Variants in SLC24A2 observed in about 807,000 individuals in gnomAD.
SLC24A2 encodes solute carrier family 24 member 2.
SLC24A2 carries 36 observed loss-of-function variants against 62.0 expected under a neutral mutation model. The ratio of observed to expected loss-of-function variants is 0.58; its 90% CI spans 0.44 to 0.77. The LOEUF (loss-of-function observed/expected upper bound fraction) is 0.77, where lower values mean the gene tolerates loss of function less well. Ranked by LOEUF, SLC24A2 falls within the 30% of genes least tolerant of loss-of-function variation. SLC24A2 has a pLI of 0.00. For synonymous variants in SLC24A2, 358 were observed against 294.0 expected (o/e 1.22, Z -2.23); for missense variants, 846 against 817.9 (o/e 1.03, Z -0.42).
rs974389009 is a variant in SLC24A2, at chr9:19,540,377, A to C, written c.1479+9760T>G. On this transcript the variant is annotated intron_variant, in intron 8 of 10. Coordinates refer to ENST00000341998, the MANE Select transcript of SLC24A2 (RefSeq NM_020344.4). ...CCTTTCCATGTTTAGTGCTTCCTTC[A>C]GGAGCTCTTTTAGGGCAGGCCTGGT... Among the ~76,000 whole-genome samples, 12 of 145,912 alleles carry C rather than the reference A, an allele frequency of 8.2e-5. No homozygotes were observed. The South Asian group carries it at 2.4e-3, about 29-fold the overall frequency.
chr9:19,887,919 G>A, the SLC24A2 span, among the ~76,000 whole-genome samples: 2 of 152,176 alleles, frequency 1.3e-5, no homozygotes, highest in Admixed American at 6.5e-5. Flanking sequence ...ACCAAACATT[G>A]CATGTTCTCA....
the SLC24A2 span, among the ~76,000 whole-genome samples, chr9:19,885,478 C>A: frequency 1.3e-5 from 2 of 152,144 alleles, no homozygotes; most frequent in Non-Finnish European, 2.9e-5. Flanking sequence ...CTCACAGAAA[C>A]TCTATGAAAG....
the SLC24A2 span, among the ~76,000 whole-genome samples, chr9:20,124,679 C>A: frequency 2.0e-5 from 3 of 152,178 alleles, no homozygotes; most frequent in African/African-American, 7.2e-5. Flanking sequence ...GTGCCCTATG[C>A]ACTAGACTTT....
chr9:20,212,641 T>C, the SLC24A2 span, among the ~76,000 whole-genome samples: 1 of 151,646 alleles, frequency 6.6e-6, no homozygotes, highest in African/African-American at 2.4e-5. Flanking sequence ...ACGCCAGGGA[T>C]AAATAAGGAA....
At chr9:20,112,229 A>G in the SLC24A2 span, among the ~76,000 whole-genome samples, 1 of 152,210 alleles carries the variant, frequency 6.6e-6, no homozygotes, top group Non-Finnish European at 1.5e-5. Flanking sequence ...GAAGGAAAAA[A>G]AAGAACATTT....
At chr9:19,796,723 G>A in the SLC24A2 span, among the ~76,000 whole-genome samples, 3 of 152,130 alleles carry the variant, frequency 2.0e-5, no homozygotes, top group Middle Eastern at 3.2e-3. Context: ...TATTTCTGTA[G>A]AGAAGCCTGA....
At chr9:19,576,346 T>G (rs985686830) in intron 6 of SLC24A2, among the ~76,000 whole-genome samples, 2 of 152,242 alleles carry the variant, frequency 1.3e-5, no homozygotes, top group Non-Finnish European at 2.9e-5. Context: ...TGTCACAATC[T>G]TGTCATACAG....
the SLC24A2 span, among the ~76,000 whole-genome samples, chr9:19,942,799 T>C: frequency 6.6e-6 from 1 of 152,176 alleles, no homozygotes; most frequent in Admixed American, 6.5e-5. Flanking sequence ...AAAGCACATT[T>C]TGCTGCCATA....
At chr9:19,911,539 T>C in the SLC24A2 span, among the ~76,000 whole-genome samples, 3 of 152,118 alleles carry the variant, frequency 2.0e-5, no homozygotes, top group Non-Finnish European at 4.4e-5. Context: ...TGGCAGATGG[T>C]TGGTGCTGAA....
chr9:19,602,562 A>G (rs1354466579), intron 4 of SLC24A2, among the ~76,000 whole-genome samples: 1 of 152,238 alleles, frequency 6.6e-6, no homozygotes, highest in Non-Finnish European at 1.5e-5. Context: ...TAAAGAATGT[A>G]CAACTCAGAG....
At chr9:19,637,338 G>A (rs1818384595) in intron 2 of SLC24A2, among the ~76,000 whole-genome samples, 1 of 152,254 alleles carries the variant, frequency 6.6e-6, no homozygotes, top group Non-Finnish European at 1.5e-5. Context: ...CTGGGCATCA[G>A]GCACCAATGG....
intron 7 of SLC24A2, among the ~76,000 whole-genome samples, chr9:19,568,644 G>T (rs1165192704): frequency 6.6e-6 from 1 of 152,210 alleles, no homozygotes; most frequent in Non-Finnish European, 1.5e-5. Flanking sequence ...CACACAGCTG[G>T]TAAGCAGCAG....
intron 2 of SLC24A2, among the ~76,000 whole-genome samples, chr9:19,762,251 T>C (rs1321404694): frequency 2.1e-4 from 32 of 152,252 alleles, no homozygotes; most frequent in Non-Finnish European, 4.6e-4. Flanking sequence ...TCTCCCATTT[T>C]GTAGGTTGCC....
chr9:19,865,164 C>G, the SLC24A2 span, among the ~76,000 whole-genome samples: 2 of 151,890 alleles, frequency 1.3e-5, no homozygotes, highest in African/African-American at 2.4e-5. Flanking sequence ...CTATAAATCA[C>G]TGAGGAAAAA....
the SLC24A2 span, among the ~76,000 whole-genome samples, chr9:20,193,329 T>C: frequency 6.6e-6 from 1 of 152,116 alleles, no homozygotes; most frequent in African/African-American, 2.4e-5. Flanking sequence ...AGACTTCTGC[T>C]TTAAAATGGT....
chr9:20,068,715 A>G, the SLC24A2 span, among the ~76,000 whole-genome samples: 4 of 152,102 alleles, frequency 2.6e-5, no homozygotes, highest in Non-Finnish European at 5.9e-5. Flanking sequence ...ACCCTAAAAT[A>G]TAGGGGATTT....
At chr9:20,090,397 G>A in the SLC24A2 span, among the ~76,000 whole-genome samples, 13 of 152,276 alleles carry the variant, frequency 8.5e-5, no homozygotes, top group South Asian at 8.3e-4. Context: ...GCCAAGTTGC[G>A]ATCTACAGCC....
At chr9:20,293,919 C>T in the SLC24A2 span, among the ~76,000 whole-genome samples, 3 of 152,268 alleles carry the variant, frequency 2.0e-5, no homozygotes, top group Admixed American at 2.0e-4. Flanking sequence ...AGGCTCCACA[C>T]AAGAAGGATG....
At chr9:19,542,981 C>A (rs1032142765) in intron 8 of SLC24A2, among the ~76,000 whole-genome samples, 1 of 152,090 alleles carries the variant, frequency 6.6e-6, no homozygotes, top group Non-Finnish European at 1.5e-5. Flanking sequence ...CCCTCTTTTT[C>A]TATTGTTTGA....
Sources: allele counts gnomAD v4.1 joint callset (sites outside exome capture counted in the v4.1 genomes callset), GRCh38; gene constraint gnomAD v4.1.1; transcripts MANE v1.5; gene names NCBI Gene and HGNC (gene_info 2026-07-23, HGNC 2026-07-21).